The following CDH22 variants were observed in gnomAD, a reference collection of about 807,000 sequenced individuals.
CDH22 encodes cadherin 22.
Under a neutral mutation model 58.4 loss-of-function variants are expected in CDH22, and 30 were observed. The ratio of observed to expected loss-of-function variants is 0.51; its 90% CI spans 0.38 to 0.70. The LOEUF (loss-of-function observed/expected upper bound fraction) is 0.70, where lower values mean the gene tolerates loss of function less well. Ranked by LOEUF, CDH22 falls within the 30% of genes least tolerant of loss-of-function variation. The pLI is 0.00. For synonymous variants in CDH22, 513 were observed against 558.2 expected (o/e 0.92, Z 1.14); for missense variants, 1,014 against 1,233.9 (o/e 0.82, Z 2.67).
intron 7 of CDH22, among the ~76,000 whole-genome samples, chr20:46,209,020 C>G (rs1198069212): frequency 6.6e-6 from 1 of 152,192 alleles, no homozygotes; most frequent in Non-Finnish European, 1.5e-5. Context: ...AGACAGCTTA[C>G]CTTTCAGTAG....
chr20:46,175,081 C>T lies in CDH22; in HGVS notation c.1916-4G>A, dbSNP rs1375752379. 1 of 1,589,190 alleles carries T rather than the reference C, an allele frequency of 6.3e-7. No individual in the cohort carries two copies. Among genetic ancestry groups the T allele is most frequent in the Middle Eastern group, 1.7e-4 (1 of 6,008 alleles). On this transcript the variant is annotated splice_region_variant and splice_polypyrimidine_tract_variant and intron_variant, in intron 11 of 11. Transcript: ENST00000537909. ...GTGAGGATCAGCAGCACCAGCACTG[C>T]GAGGGGGACAGAGGGGGCAACTGAG...
intron 1 of CDH22, among the ~76,000 whole-genome samples, chr20:46,258,273 G>A (rs936355625): frequency 6.6e-6 from 1 of 152,076 alleles, no homozygotes; most frequent in African/African-American, 2.4e-5. Context: ...GATTTGTGAA[G>A]GTTCATTTGC....
At chr20:46,223,638 T>G (rs1007255374) in intron 4 of CDH22, among the ~76,000 whole-genome samples, 1 of 151,216 alleles carries the variant, frequency 6.6e-6, no homozygotes, top group Non-Finnish European at 1.5e-5. Context: ...TTTTTCTTTC[T>G]TTCTTTCTTT....
intron 1 of CDH22, among the ~76,000 whole-genome samples, chr20:46,278,008 G>A (rs954393789): frequency 4.3e-4 from 58 of 134,034 alleles, no homozygotes; most frequent in African/African-American, 1.5e-3. Context: ...TAGGGGGCAG[G>A]AGGCGTTGGC....
Position 46,241,141 on chromosome 20 carries a change from G to A in CDH22, c.372C>T (p.Arg124=). Residue 124 remains arginine (R), a synonymous_variant, in exon 3 of 12, where the codon CGC becomes CGT. Coordinates refer to ENST00000537909, the MANE Select transcript of CDH22 (RefSeq NM_021248.3). The surrounding 1 kb of genome is among the most constrained non-coding windows in gnomAD (Gnocchi z 5.2). ...ELTGDIHAME[R]LDREQKTFYT... ...AGAAGGTTTTCTGCTCGCGGTCCAG[G>A]CGCTCCATGGCATGAATGTCGCCTG... 2 of 1,614,130 alleles carry A rather than the reference G, an allele frequency of 1.2e-6. No individual in the cohort carries two copies. The highest frequency in any genetic ancestry group is 1.7e-6 in the Non-Finnish European group (2 of 1,180,012).
Position 46,186,700 on chromosome 20 carries a change from G to C in CDH22, c.1551C>G (p.Ile517Met). The C allele has an allele frequency of 2.5e-6, 4 of 1,613,784 alleles. No individual in the cohort carries two copies. Among genetic ancestry groups the C allele is most frequent in the Non-Finnish European group, 3.4e-6 (4 of 1,179,846 alleles). The change falls in exon 10 of 12, where the codon ATC becomes ATG. Residue 517 changes from isoleucine (I) to methionine (M), a missense_variant. Coordinates refer to ENST00000537909, the MANE Select transcript of CDH22 (RefSeq NM_021248.3). The part of the protein sequence containing the change: ...VCEDAKPGQL[I>M]QTISVVDRDE... ...CTCTGTCCACCACGCTGATGGTCTGGATGAGCTGAAGGGTGAGGAGGGGAT... is the reference window on the plus strand; with the variant it reads ...CTCTGTCCACCACGCTGATGGTCTGCATGAGCTGAAGGGTGAGGAGGGGAT...
chr20:46,282,810 G>A (rs1186815069), intron 1 of CDH22, among the ~76,000 whole-genome samples: 1 of 152,148 alleles, frequency 6.6e-6, no homozygotes, highest in Non-Finnish European at 1.5e-5. Context: ...AGGCCTGGAC[G>A]CTGGAACCCG....
chr20:46,181,069 A>G (rs1465724064), intron 10 of CDH22, among the ~76,000 whole-genome samples: 1 of 151,820 alleles, frequency 6.6e-6, no homozygotes, highest in African/African-American at 2.4e-5. Flanking sequence ...AGCCACCATG[A>G]CTGGCCTCCA....
intron 2 of CDH22, among the ~76,000 whole-genome samples, chr20:46,248,940 A>G (rs1158559724): frequency 6.6e-6 from 1 of 152,230 alleles, no homozygotes; most frequent in African/African-American, 2.4e-5. Context: ...CTTTACCTAC[A>G]AAAGGGAATG....
intron 1 of CDH22, among the ~76,000 whole-genome samples, chr20:46,294,219 C>T (rs569538441): frequency 4.5e-4 from 68 of 152,318 alleles, no homozygotes; most frequent in African/African-American, 1.3e-3. Flanking sequence ...CATTCAGCTG[C>T]GTCCTTCCTG....
Position 46,178,347 on chromosome 20 carries a change from C to G in CDH22, c.1664-150G>C, listed in dbSNP as rs535503806. 20 of 837,642 alleles carry G rather than the reference C, an allele frequency of 2.4e-5. No homozygotes were observed. The East Asian group carries it at 4.8e-4, about 20-fold the overall frequency. 51.9% of individuals were successfully genotyped at this position (837,642 alleles called of 1,614,324 possible). A position where few individuals can be genotyped will look rare whatever the true frequency, so the allele number is the denominator to read the frequency against. On this transcript the variant is annotated intron_variant, in intron 10 of 11. Transcript: ENST00000537909. ...CTCATGGGTCTCTTCTCTGATCTCC[C>G]AAAATTCTATTACCAGATGCCTCCA...
At chr20:46,280,896 A>T (rs2145767150) in intron 1 of CDH22, among the ~76,000 whole-genome samples, 1 of 152,298 alleles carries the variant, frequency 6.6e-6, no homozygotes, top group Non-Finnish European at 1.5e-5. Context: ...GTCTGGCTTA[A>T]CCCTGAATGC....
At position 46,243,651 on chromosome 20, in the gene CDH22, G is replaced by A. The variant is rs559237652; in HGVS notation, c.256-2394C>T. 1.4e-4 allele frequency among the ~76,000 whole-genome samples: 21 copies of A among 152,258 alleles called. No homozygotes were observed. The South Asian group carries it at 3.9e-3, about 29-fold the overall frequency. On this transcript the variant is annotated intron_variant, in intron 2 of 11. Coordinates refer to ENST00000537909, the MANE Select transcript of CDH22 (RefSeq NM_021248.3). ...TGTCTCTCCTGTTTGCTGTTTATACGTTTTTTCCACCATTGCCCCAGGGGA... is the reference window on the plus strand; with the variant it reads ...TGTCTCTCCTGTTTGCTGTTTATACATTTTTTCCACCATTGCCCCAGGGGA...
At position 46,255,047 on chromosome 20, in the gene CDH22, A is replaced by G. The variant is rs1769111227; in HGVS notation, c.-399-3354T>C. Among the ~76,000 whole-genome samples, 3 of 152,152 alleles carry G rather than the reference A, an allele frequency of 2.0e-5. No individual in the cohort carries two copies. In the South Asian group the frequency reaches 6.2e-4, roughly 32 times the overall value. ...TTTTATTTATTTATTTTTGAGACGG[A>G]ATTTCTTTCTGTCACCCAGGCTGGA... On this transcript the variant is annotated intron_variant, in intron 1 of 11. Transcript: ENST00000537909.
chr20:46,273,799 G>C (rs1011935245), intron 1 of CDH22, among the ~76,000 whole-genome samples: 2 of 152,190 alleles, frequency 1.3e-5, no homozygotes, highest in African/African-American at 4.8e-5. Flanking sequence ...TGTAGTAAAG[G>C]CCTGAACTCA....
At chr20:46,225,989 C>A (rs556143113) in intron 4 of CDH22, among the ~76,000 whole-genome samples, 4 of 152,206 alleles carry the variant, frequency 2.6e-5, no homozygotes, top group African/African-American at 9.6e-5. Flanking sequence ...TCCATCAACT[C>A]CCCCCAACCC....
chr20:46,210,619 C>A lies in CDH22; in HGVS notation c.1033-59G>T. The A allele has an allele frequency of 1.4e-6, 2 of 1,383,298 alleles. No individual in the cohort carries two copies. 85.7% of individuals were successfully genotyped at this position (1,383,298 alleles called of 1,614,324 possible). On this transcript the variant is annotated intron_variant, in intron 6 of 11. Transcript: ENST00000537909. This position sits in a 1 kb window ranked among gnomAD's most constrained non-coding sequence, Gnocchi z 4.5. ...GGGGTCTGGTGGACACTGAGGCCTT[C>A]ACGAGGGAGGCCAAGGCAGGCGGGG...
At chr20:46,207,711 A>G (rs2086011624) in intron 7 of CDH22, among the ~76,000 whole-genome samples, 1 of 152,138 alleles carries the variant, frequency 6.6e-6, no homozygotes, top group African/African-American at 2.4e-5. Context: ...GGCCCCCTGT[A>G]GCGATCACAG....
rs1019360781 is a variant in CDH22 at position 46,174,839 on chromosome 20, C to T, written c.2154G>A (p.Ala718=). 5.2e-6 allele frequency: 7 copies of T among 1,356,464 alleles called. No homozygotes were observed. The highest frequency in any genetic ancestry group is 4.7e-6 in the Non-Finnish European group (5 of 1,058,706). 84.0% of individuals were successfully genotyped at this position (1,356,464 alleles called of 1,614,324 possible). Residue 718 remains alanine (A), a synonymous_variant, in exon 12 of 12, where the codon GCG becomes GCA. Transcript: ENST00000537909. This position sits in a 1 kb window ranked among gnomAD's most constrained non-coding sequence, Gnocchi z 4.4. ...GGAGGGSGGG[A]GSPPQAHLPS... ...GCAGGTGGGCCTGCGGGGGGCTGCC[C>T]GCGCCCCCGCCCGAGCCCCCGCCCG...
Sources: gnomAD v4.1 joint callset for allele counts (sites outside exome capture counted in the v4.1 genomes callset) on GRCh38, gnomAD v4.1.1 for gene constraint, Gnocchi (gnomAD v3.1) non-coding constraint, MANE v1.5 for transcripts, NCBI Gene and HGNC (gene_info 2026-07-23, HGNC 2026-07-21) for gene names.